PTPRT: variants seen among roughly 807,000 people sequenced by gnomAD.
PTPRT encodes protein tyrosine phosphatase receptor type T.
A neutral mutation model predicts 176.8 loss-of-function variants in PTPRT; 56 were observed. The ratio of observed to expected loss-of-function variants is 0.32; its 90% CI spans 0.26 to 0.40. The LOEUF is 0.40. Ranked by LOEUF, PTPRT falls within the 10% of genes least tolerant of loss-of-function variation. The probability of loss-of-function intolerance (pLI) is 1.00; values close to 1 mark genes in which losing one functional copy is unlikely to be tolerated. For missense variants in PTPRT, 1,540 were observed against 1,908.2 expected, an observed-to-expected ratio of 0.81 and a Z score of 3.60; for synonymous variants, 783 against 739.0, an observed-to-expected ratio of 1.06 and a Z score of -0.96.
rs115347229 is a variant in PTPRT, at chr20:42,803,308, C to T, written c.215-11842G>A. Among the ~76,000 whole-genome samples the T allele has an allele frequency of 7.8e-3, 1,193 of 152,370 alleles. 15 individuals carry two copies. Among genetic ancestry groups the T allele is most frequent in the African/African-American group, 0.028 (1,146 of 41,596 alleles). On this transcript the variant is annotated intron_variant, in intron 2 of 30. Coordinates refer to ENST00000373187, the MANE Select transcript of PTPRT (RefSeq NM_007050.6). ...AGCTAGACTGACTAGACCAGAAACT[C>T]TGAGTGGGGTCAGTCATCTGGGTCC... is the stretch of plus-strand genomic sequence containing the variant.
intron 1 of PTPRT, among the ~76,000 whole-genome samples, chr20:43,041,452 C>T (rs1986601421): frequency 6.6e-6 from 1 of 152,242 alleles, no homozygotes; most frequent in African/African-American, 2.4e-5. Flanking sequence ...ACTCCATCTA[C>T]ATCACAGGAC....
intron 1 of PTPRT, among the ~76,000 whole-genome samples, chr20:42,981,270 A>G (rs1015411823): frequency 6.6e-6 from 1 of 152,208 alleles, no homozygotes; most frequent in African/African-American, 2.4e-5. Flanking sequence ...AAAAGCAAAC[A>G]ACAGAAAAAG....
intron 1 of PTPRT, among the ~76,000 whole-genome samples, chr20:42,976,682 C>T (rs1192779343): frequency 6.6e-6 from 1 of 152,186 alleles, no homozygotes; most frequent in Non-Finnish European, 1.5e-5. Context: ...GCTGGGATTA[C>T]AGGCGTGAGC....
At chr20:42,625,348 C>T (rs1017660990) in intron 7 of PTPRT, among the ~76,000 whole-genome samples, 14 of 151,046 alleles carry the variant, frequency 9.3e-5, no homozygotes, top group Non-Finnish European at 1.3e-4. Flanking sequence ...AGAGGGAGAA[C>T]GAATAAAGGA....
At chr20:42,860,208 T>TTCACAC (rs1184180408) in intron 2 of PTPRT, among the ~76,000 whole-genome samples, 1 of 152,142 alleles carries the variant, frequency 6.6e-6, no homozygotes, top group Non-Finnish European at 1.5e-5. Flanking sequence ...CATGCATGCA[T>TTCACAC]TCACACACAC....
At chr20:42,356,493 G>A (rs1210653205) in intron 9 of PTPRT, among the ~76,000 whole-genome samples, 3 of 152,072 alleles carry the variant, frequency 2.0e-5, no homozygotes, top group East Asian at 1.9e-4. Context: ...TCGGGAGTTC[G>A]AGACCAGCCT....
intron 7 of PTPRT, among the ~76,000 whole-genome samples, chr20:42,555,476 A>G (rs2072844324): frequency 6.6e-6 from 1 of 152,182 alleles, no homozygotes; most frequent in African/African-American, 2.4e-5. Context: ...CACGGCAGGC[A>G]GTTTAGGTGT....
intron 16 of PTPRT, among the ~76,000 whole-genome samples, chr20:42,175,357 C>T (rs1990248130): frequency 6.6e-6 from 1 of 152,178 alleles, no homozygotes; most frequent in Non-Finnish European, 1.5e-5. Flanking sequence ...ACCTGAGAAT[C>T]TGTACAGGAC....
At chr20:42,387,407 C>T (rs189615997) in intron 9 of PTPRT, among the ~76,000 whole-genome samples, 7 of 152,268 alleles carry the variant, frequency 4.6e-5, no homozygotes, top group Admixed American at 3.9e-4. Context: ...AGGCTGGCTA[C>T]AGGGTGTGAA....
chr20:42,125,920 G>A (rs1987831995), intron 19 of PTPRT, among the ~76,000 whole-genome samples: 1 of 151,282 alleles, frequency 6.6e-6, no homozygotes, highest in Non-Finnish European at 1.5e-5. Flanking sequence ...TATCCATGCA[G>A]CCATAGACAA....
chr20:42,770,823 T>A (rs550734056), intron 5 of PTPRT, among the ~76,000 whole-genome samples: 5 of 152,254 alleles, frequency 3.3e-5, no homozygotes, highest in South Asian at 4.1e-4. Context: ...TTGGAAAAGG[T>A]CATAGTTACA....
intron 1 of PTPRT, among the ~76,000 whole-genome samples, chr20:42,893,724 A>AGC: frequency 1.3e-5 from 2 of 151,786 alleles, no homozygotes; most frequent in Admixed American, 6.6e-5. Flanking sequence ...ACATGGATGA[A>AGC]ATTGGAAATC....
intron 1 of PTPRT, among the ~76,000 whole-genome samples, chr20:42,911,725 A>G (rs1457447045): frequency 6.6e-6 from 1 of 152,010 alleles, no homozygotes; most frequent in African/African-American, 2.4e-5. Context: ...TCTAAACCGC[A>G]TTTTTCCAGG....
chr20:42,127,739 G>A (rs1987930912), intron 19 of PTPRT, among the ~76,000 whole-genome samples: 1 of 152,180 alleles, frequency 6.6e-6, no homozygotes, highest in African/African-American at 2.4e-5. Context: ...CAGCAGTCAT[G>A]CTCTTGCTTA....
intron 9 of PTPRT, among the ~76,000 whole-genome samples, chr20:42,415,679 G>A (rs1279726567): frequency 3.3e-5 from 5 of 152,172 alleles, no homozygotes; most frequent in African/African-American, 1.2e-4. Flanking sequence ...ATACATGCTA[G>A]CATACATACC....
chr20:42,083,970 A>G (rs973640978), intron 29 of PTPRT, among the ~76,000 whole-genome samples: 1 of 152,224 alleles, frequency 6.6e-6, no homozygotes, highest in African/African-American at 2.4e-5. Context: ...TTACGTTTGC[A>G]TATTTGCTAC....
chr20:42,938,576 C>A (rs1034019115), intron 1 of PTPRT, among the ~76,000 whole-genome samples: 1 of 152,174 alleles, frequency 6.6e-6, no homozygotes, highest in Non-Finnish European at 1.5e-5. Flanking sequence ...TGCCTCTCTG[C>A]ATTTTTCCAT....
rs1032558148 is a variant in PTPRT, at chr20:42,118,436, G to T, written c.2949C>A (p.Ile983=). The change falls in exon 21 of 31, where the codon ATC becomes ATA. Residue 983 remains isoleucine, a synonymous_variant. Coordinates refer to ENST00000373187, the MANE Select transcript of PTPRT (RefSeq NM_007050.6). Reference sequence around the variant, plus strand: ...CTTCCACCAGGTTTGTGACCATGACGATGCTGGCGGAGTTCTCCTGCCAGA... The same window carrying T: ...CTTCCACCAGGTTTGTGACCATGACTATGCTGGCGGAGTTCTCCTGCCAGA... ...RMIWQENSAS[I]VMVTNLVEVG... is the part of the protein sequence containing the mutation. 3.1e-6 allele frequency: 5 copies of T among 1,613,022 alleles called. No homozygotes were observed. Among genetic ancestry groups the T allele is most frequent in the Non-Finnish European group, 4.2e-6 (5 of 1,179,434 alleles).
intron 7 of PTPRT, among the ~76,000 whole-genome samples, chr20:42,494,594 C>G (rs2071620307): frequency 6.6e-6 from 1 of 152,168 alleles, no homozygotes; most frequent in Non-Finnish European, 1.5e-5. Context: ...TCATATCAAT[C>G]TCCTTTATTC....
Sources: gnomAD v4.1 joint callset for allele counts (sites outside exome capture counted in the v4.1 genomes callset) on GRCh38, gnomAD v4.1.1 for gene constraint, MANE v1.5 for transcripts, NCBI Gene and HGNC (gene_info 2026-07-23, HGNC 2026-07-21) for gene names.